The following DAAM1 variants were observed in gnomAD, a reference collection of about 807,000 sequenced individuals.
DAAM1 encodes the protein disheveled-associated activator of morphogenesis 1.
DAAM1 carries 52 observed loss-of-function variants against 130.0 expected under a neutral mutation model. The observed-to-expected ratio is 0.40, with a 90% CI of 0.32 to 0.50. The LOEUF (loss-of-function observed/expected upper bound fraction) is 0.50, where lower values mean the gene tolerates loss of function less well. Among genes scored for constraint, DAAM1 ranks in the 20% least tolerant of loss-of-function variants. The pLI is 0.61. For missense variants in DAAM1, 1,134 were observed against 1,303.8 expected, an observed-to-expected ratio of 0.87 and a Z score of 2.01; for synonymous variants, 452 against 444.5, an observed-to-expected ratio of 1.02 and a Z score of -0.21.
chr14:59,226,883 A>C (rs956589594), intron 1 of DAAM1, among the ~76,000 whole-genome samples: 1 of 152,148 alleles, frequency 6.6e-6, no homozygotes, highest in Non-Finnish European at 1.5e-5. Context: ...AGTCCTGTGG[A>C]TGGCTACATA....
At chr14:59,355,037 A>G (rs181829933) in intron 19 of DAAM1, 128 bp from the exon 20 acceptor site, 4 of 1,283,764 alleles carry the variant, frequency 3.1e-6, no homozygotes, top group African/African-American at 1.5e-5. Flanking sequence ...TGGTAACCCA[A>G]TAACTCAGTC....
intron 3 of DAAM1, among the ~76,000 whole-genome samples, chr14:59,309,005 A>G (rs565286699): frequency 6.6e-6 from 1 of 152,360 alleles, no homozygotes; most frequent in Admixed American, 6.5e-5. Flanking sequence ...CCACATGGCT[A>G]TCTTGGAATG....
chr14:59,221,533 C>T (rs1216146749), intron 1 of DAAM1, among the ~76,000 whole-genome samples: 2 of 152,194 alleles, frequency 1.3e-5, no homozygotes, highest in Non-Finnish European at 2.9e-5. Flanking sequence ...TCTGAAGGGT[C>T]TGGATCATTG....
chr14:59,222,238 A>G (rs1384982715), intron 1 of DAAM1, among the ~76,000 whole-genome samples: 2 of 152,218 alleles, frequency 1.3e-5, no homozygotes, highest in Non-Finnish European at 2.9e-5. Context: ...TTGCTTGGTC[A>G]GAAGCAATGC....
intron 1 of DAAM1, among the ~76,000 whole-genome samples, chr14:59,253,269 T>C (rs1284481111): frequency 6.6e-6 from 1 of 152,238 alleles, no homozygotes; most frequent in Admixed American, 6.5e-5. Context: ...TTTGAACTTG[T>C]GTTGCAATTC....
chr14:59,360,409 A>G (rs1390162995), intron 21 of DAAM1, among the ~76,000 whole-genome samples: 2 of 152,264 alleles, frequency 1.3e-5, no homozygotes, highest in East Asian at 1.9e-4. Flanking sequence ...ACAGAGTACA[A>G]TGTGAACATG....
intron 22 of DAAM1, 85 bp downstream of exon 22, chr14:59,360,947 G>A: frequency 1.7e-6 from 2 of 1,206,236 alleles, no homozygotes; most frequent in South Asian, 1.4e-5. Flanking sequence ...GGTTGTGTTG[G>A]CATGTGGTAT....
chr14:59,197,454 A>G (rs1369312209), intron 1 of DAAM1, among the ~76,000 whole-genome samples: 1 of 152,224 alleles, frequency 6.6e-6, no homozygotes, highest in Non-Finnish European at 1.5e-5. Context: ...GACTGACCGC[A>G]CCATGTTCTC....
intron 4 of DAAM1, 35 bp downstream of exon 4, chr14:59,315,386 T>A (rs1884751349): frequency 1.3e-6 from 2 of 1,594,530 alleles, no homozygotes; most frequent in East Asian, 4.5e-5. Context: ...ACACACTGTT[T>A]AAAATGCAAG....
At chr14:59,222,846 C>T (rs1888821074) in intron 1 of DAAM1, among the ~76,000 whole-genome samples, 1 of 152,228 alleles carries the variant, frequency 6.6e-6, no homozygotes, top group Non-Finnish European at 1.5e-5. Flanking sequence ...ATGCCATTGG[C>T]TACAGCCCAT....
At chr14:59,217,546 AAAGTT>A (rs990737783) in intron 1 of DAAM1, among the ~76,000 whole-genome samples, 2 of 152,174 alleles carry the variant, frequency 1.3e-5, no homozygotes, top group African/African-American at 4.8e-5. Flanking sequence ...ATAATTAATT[AAAGTT>A]AAGGGCTAGG....
intron 2 of DAAM1, among the ~76,000 whole-genome samples, chr14:59,286,952 A>T (rs1883489502): frequency 6.6e-6 from 1 of 152,164 alleles, no homozygotes; most frequent in Non-Finnish European, 1.5e-5. Flanking sequence ...CATCACCCTG[A>T]TACCAAAGAC....
rs1888433604 is a variant in DAAM1, at chr14:59,211,820, A to T, written c.-38+23052A>T. 2.0e-5 allele frequency among the ~76,000 whole-genome samples: 3 copies of T among 152,240 alleles called. No individual in the cohort carries two copies. In the South Asian group the frequency reaches 6.2e-4, roughly 32 times the overall value. On this transcript the variant is annotated intron_variant, in intron 1 of 24. Coordinates refer to ENST00000360909, the MANE Select transcript of DAAM1 (RefSeq NM_001270520.2). ...TGAACAATCTTTAATATAACACAGA[A>T]TAATGATTTTAAACAGCCTCTCCCC... is the stretch of plus-strand genomic sequence containing the variant.
At chr14:59,215,774 A>G (rs1263825115) in intron 1 of DAAM1, among the ~76,000 whole-genome samples, 1 of 152,130 alleles carries the variant, frequency 6.6e-6, no homozygotes, top group East Asian at 1.9e-4. Context: ...AACACCAAGG[A>G]ATGTCATTTT....
intron 1 of DAAM1, among the ~76,000 whole-genome samples, chr14:59,235,572 A>T (rs1417624874): frequency 6.6e-6 from 1 of 151,574 alleles, no homozygotes; most frequent in Non-Finnish European, 1.5e-5. Context: ...TATTTTTTAA[A>T]TTTTTTCAAA....
intron 1 of DAAM1, among the ~76,000 whole-genome samples, chr14:59,189,835 G>C (rs1003122325): frequency 9.2e-5 from 14 of 152,054 alleles, no homozygotes; most frequent in Non-Finnish European, 1.5e-4. Flanking sequence ...AGTTGTTCAC[G>C]GCCTGGCTTT....
intron 3 of DAAM1, among the ~76,000 whole-genome samples, chr14:59,299,086 G>C (rs1010399761): frequency 6.6e-6 from 1 of 152,186 alleles, no homozygotes; most frequent in Non-Finnish European, 1.5e-5. Flanking sequence ...TTCTGGTTCT[G>C]TAGAGTCCTC....
intron 17 of DAAM1, among the ~76,000 whole-genome samples, chr14:59,348,866 G>A (rs1229219770): frequency 2.6e-5 from 4 of 152,118 alleles, no homozygotes; most frequent in Admixed American, 6.6e-5. Flanking sequence ...CAACCTCTGC[G>A]GCTGGAATAG....
At chr14:59,324,323 A>G in intron 7 of DAAM1, 28 bp from the exon 8 acceptor site, 1 of 1,520,142 alleles carries the variant, frequency 6.6e-7, no homozygotes, top group South Asian at 1.4e-5. Context: ...AACCACAAAT[A>G]TGTATTTTAT....
Sources: allele counts gnomAD v4.1 joint callset (sites outside exome capture counted in the v4.1 genomes callset), GRCh38; gene constraint gnomAD v4.1.1; transcripts MANE v1.5; gene names NCBI Gene and HGNC (gene_info 2026-07-23, HGNC 2026-07-21).